The following NLRP12 variants were observed in gnomAD, a reference collection of about 807,000 sequenced individuals.
NLRP12 encodes the protein NACHT, LRR and PYD domains-containing protein 12.
Under a neutral mutation model 91.2 loss-of-function variants are expected in NLRP12, and 108 were observed. The observed-to-expected ratio is 1.18, with a 90% CI of 1.01 to 1.39. NLRP12 has a LOEUF of 1.39. Ranked by LOEUF, NLRP12 falls within the 40% of genes most tolerant of loss-of-function variation. NLRP12 has a pLI of 0.00. For synonymous variants in NLRP12, 613 were observed against 566.7 expected (o/e 1.08, Z -1.16); for missense variants, 1,530 against 1,352.7 (o/e 1.13, Z -2.06).
chr19:53,819,802 C>T lies in NLRP12; in HGVS notation c.289+4084G>A, dbSNP rs151194243. The stretch of plus-strand genomic sequence containing the variant: ...CGGGATCTTGGCTCACCACAACCTC[C>T]GTCTCCTGGGTGGTGGAGAAAAGGG... On this transcript the variant is annotated intron_variant, in intron 1 of 9. Coordinates refer to ENST00000324134, the MANE Select transcript of NLRP12 (RefSeq NM_144687.4). 4.0e-3 allele frequency among the ~76,000 whole-genome samples: 594 copies of T among 149,568 alleles called. 5 individuals carry two copies. Among genetic ancestry groups the T allele is most frequent in the African/African-American group, 0.014 (567 of 40,620 alleles).
chr19:53,817,366 G>GT (rs1568691549), intron 1 of NLRP12, among the ~76,000 whole-genome samples: 1 of 151,848 alleles, frequency 6.6e-6, no homozygotes, highest in East Asian at 2.0e-4. Context: ...GGAGTCAGAG[G>GT]TTGAAGTGTG....
At chr19:53,800,966 A>G (rs148898939) in intron 7 of NLRP12, among the ~76,000 whole-genome samples, 7,762 of 152,046 alleles carry the variant, frequency 0.051, 671 homozygotes, top group African/African-American at 0.18. Context: ...AGGCCAAGGC[A>G]GGCAGATCAT....
chr19:53,805,230 C>G (rs778772758), intron 5 of NLRP12, 50 bp downstream of exon 5: 15 of 1,565,204 alleles, frequency 9.6e-6, no homozygotes, highest in Non-Finnish European at 1.3e-5. Context: ...ATATTTCATG[C>G]CCCAGGAGAC....
Position 53,801,442 on chromosome 19 carries a change from CTTTTTCTT to C in NLRP12, c.2586-53_2586-46del, listed in dbSNP as rs1291020779. On this transcript the variant is annotated intron_variant, in intron 6 of 9. Coordinates refer to ENST00000324134, the MANE Select transcript of NLRP12 (RefSeq NM_144687.4). ...ACAAGCATTATGGAGGCTTTCCTTT[CTTTTTCTT>C]TTTTTTTTTTTTTTTTTTTGAGACA... The C allele has an allele frequency of 9.2e-6, 12 of 1,304,866 alleles. No individual in the cohort carries two copies. In the African/African-American group the frequency reaches 9.2e-5, roughly 10 times the overall value. The allele number at this position is 1,304,866 out of a possible 1,614,324, so 80.8% of individuals were successfully genotyped here. A position where few individuals can be genotyped will look rare whatever the true frequency, so the allele number is the denominator to read the frequency against.
chr19:53,809,529 A>AAAC (rs1555795514), intron 3 of NLRP12, 58 bp downstream of exon 3: 50 of 1,339,112 alleles, frequency 3.7e-5, no homozygotes, highest in Admixed American at 5.0e-5. Context: ...AAAAAAAAAA[A>AAAC]AAAAAAAAAA....
chr19:53,795,331 C>T (rs563817957), intron 9 of NLRP12, among the ~76,000 whole-genome samples: 3 of 151,940 alleles, frequency 2.0e-5, no homozygotes, highest in South Asian at 4.2e-4. Context: ...TCACAGTGAC[C>T]TCCAATGCAA....
chr19:53,809,224 TAAAA>T (rs3973673), intron 3 of NLRP12, among the ~76,000 whole-genome samples: 73,620 of 133,482 alleles, frequency 0.55, 22,368 homozygotes, highest in Non-Finnish European at 0.68. Context: ...AGACTTAGTT[TAAAA>T]AAAAAAAAAA....
chr19:53,801,957 G>A (rs772768812), intron 6 of NLRP12, among the ~76,000 whole-genome samples: 5 of 152,074 alleles, frequency 3.3e-5, no homozygotes, highest in Non-Finnish European at 5.9e-5. Flanking sequence ...ACTGGGCACA[G>A]TGGCTCATGC....
chr19:53,803,635 G>A (rs192163393), intron 6 of NLRP12: 14 of 377,258 alleles, frequency 3.7e-5, no homozygotes, highest in South Asian at 6.3e-5. Flanking sequence ...GTGCAGTGAC[G>A]TGATCTCAGC....
chr19:53,814,393 C>A (rs1414064874), intron 2 of NLRP12, among the ~76,000 whole-genome samples: 1 of 152,020 alleles, frequency 6.6e-6, no homozygotes. Context: ...CACTCTGTTG[C>A]CCAGGCTGGA....
rs776882572 is a variant in NLRP12 at position 53,810,386 on chromosome 19, T to C, written c.1273A>G (p.Arg425Gly). 3.1e-6 allele frequency: 5 copies of C among 1,613,486 alleles called. No individual in the cohort carries two copies. Among genetic ancestry groups the C allele is most frequent in the Non-Finnish European group, 4.2e-6 (5 of 1,180,004 alleles). The change falls in exon 3 of 10, where the codon AGA becomes GGA. Residue 425 changes from arginine (R) to glycine (G), a missense_variant. Arg to Gly is a moderately radical substitution (Grantham distance 125, BLOSUM62 -2). Transcript: ENST00000324134. The stretch of plus-strand genomic sequence containing the variant: ...GCAGTGGTGGTCCTGGACGTCTGTC[T>C]CAACAGCCCCCCACCCTCCAGCTGC... ...QQQLEGGGLL[R>G]QTSRTTTAVY...
chr19:53,810,801 G>C lies in NLRP12; in HGVS notation c.858C>G (p.Pro286=), dbSNP rs145171629. The C allele has an allele frequency of 3.1e-6, 5 of 1,613,958 alleles. No individual in the cohort carries two copies. Among genetic ancestry groups the C allele is most frequent in the Non-Finnish European group, 4.2e-6 (5 of 1,180,036 alleles). ...CGTCGATGATGAAAAGGAGGCGCTCGGGAACTCGGATGAGCTCCTGGAGAG... is the reference window on the plus strand; with the variant it reads ...CGTCGATGATGAAAAGGAGGCGCTCCGGAACTCGGATGAGCTCCTGGAGAG... The part of the protein sequence containing the change: ...SAPLQELIRV[P]ERLLFIIDGF... The change falls in exon 3 of 10, where the codon CCC becomes CCG. Residue 286 remains proline, a synonymous_variant. Transcript: ENST00000324134.
intron 2 of NLRP12, among the ~76,000 whole-genome samples, chr19:53,811,519 A>C (rs994577839): frequency 6.6e-6 from 1 of 151,866 alleles, no homozygotes; most frequent in Non-Finnish European, 1.5e-5. Flanking sequence ...ATCTCAAAAA[A>C]AAATTTTTTT....
At chr19:53,796,396 C>G (rs1439186524) in intron 8 of NLRP12, among the ~76,000 whole-genome samples, 1 of 145,898 alleles carries the variant, frequency 6.9e-6, no homozygotes, top group Admixed American at 6.9e-5. Flanking sequence ...GGACTACAGG[C>G]GAGAGCCACC....
chr19:53,817,634 G>A (rs574367388), intron 1 of NLRP12, among the ~76,000 whole-genome samples: 4 of 152,008 alleles, frequency 2.6e-5, no homozygotes, highest in Admixed American at 2.0e-4. Flanking sequence ...TACTTGGGAG[G>A]CTGAGGCAGG....
chr19:53,807,774 G>A, intron 3 of NLRP12, 109 bp from the exon 4 acceptor site: 1 of 1,324,532 alleles, frequency 7.5e-7, no homozygotes, highest in Admixed American at 1.8e-5. Context: ...TTTTGAGACG[G>A]AGTTTCGCTC....
Position 53,810,781 on chromosome 19 carries a change from A to G in NLRP12, c.878T>C (p.Ile293Thr), listed in dbSNP as rs773249090. The change falls in exon 3 of 10, where the codon ATC becomes ACC. Residue 293 changes from isoleucine (I) to threonine (T), a missense_variant. Transcript: ENST00000324134. ...AGGCTTGAGCTCATCGAAGCCGTCG[A>G]TGATGAAAAGGAGGCGCTCGGGAAC... Reference protein sequence around the residue: ...IRVPERLLFIIDGFDELKPSF... With the variant: ...IRVPERLLFITDGFDELKPSF... 1.9e-6 allele frequency: 3 copies of G among 1,613,976 alleles called. No individual in the cohort carries two copies. The African/African-American group carries it at 4.0e-5, about 22-fold the overall frequency.
At chr19:53,817,926 G>A (rs1232884024) in intron 1 of NLRP12, among the ~76,000 whole-genome samples, 1 of 151,278 alleles carries the variant, frequency 6.6e-6, no homozygotes, top group Non-Finnish European at 1.5e-5. Flanking sequence ...GGGATTACAG[G>A]CATGTACAAC....
At position 53,811,037 on chromosome 19, in the gene NLRP12, C is replaced by G; in HGVS notation, c.622G>C (p.Glu208Gln). The G allele has an allele frequency of 1.9e-6, 3 of 1,612,794 alleles. No individual in the cohort carries two copies. Among genetic ancestry groups the G allele is most frequent in the Non-Finnish European group, 2.5e-6 (3 of 1,178,922 alleles). ...TGCATGACCACGGTGCGCGGTGGCT[C>G]GGGGCGCTCCTCGTCTGGCTCAAAG... is the stretch of plus-strand genomic sequence containing the variant. Reference protein sequence around the residue: ...TLFEPDEERPEPPRTVVMQGA... With the variant: ...TLFEPDEERPQPPRTVVMQGA... The change falls in exon 3 of 10, where the codon GAG becomes CAG. Residue 208 changes from glutamate (E) to glutamine (Q), a missense_variant. Coordinates refer to ENST00000324134, the MANE Select transcript of NLRP12 (RefSeq NM_144687.4).
Sources: allele counts gnomAD v4.1 joint callset (sites outside exome capture counted in the v4.1 genomes callset), GRCh38; gene constraint gnomAD v4.1.1; transcripts MANE v1.5; gene names NCBI Gene and HGNC (gene_info 2026-07-23, HGNC 2026-07-21).